The following RSU1 variants were observed in gnomAD, a reference collection of about 807,000 sequenced individuals.
The protein encoded by RSU1 is Ras suppressor protein 1.
In RSU1, 26 loss-of-function variants were observed where a neutral mutation model predicts 31.1. The ratio of observed to expected loss-of-function variants is 0.84; its 90% CI spans 0.61 to 1.16. The LOEUF (loss-of-function observed/expected upper bound fraction) is 1.16. RSU1 is among the 50% of genes most tolerant of loss of function. The pLI, the probability that RSU1 is intolerant of heterozygous loss-of-function variation, is 0.00. For missense variants in RSU1, 320 were observed against 339.1 expected (o/e 0.94, Z 0.44); for synonymous variants, 164 against 136.3 (o/e 1.20, Z -1.41).
chr10:16,764,882 CT>C (rs3841740), intron 3 of RSU1, among the ~76,000 whole-genome samples: 4,837 of 149,828 alleles, frequency 0.032, 174 homozygotes, highest in East Asian at 0.13. Flanking sequence ...CTAAGTGCAA[CT>C]TTTTTTTTCC....
At chr10:16,651,864 CTATG>C (rs1467982781) in intron 8 of RSU1, among the ~76,000 whole-genome samples, 3 of 152,112 alleles carry the variant, frequency 2.0e-5, no homozygotes, top group African/African-American at 7.2e-5. Context: ...TAATGTAACA[CTATG>C]TGTTTGCCAA....
At chr10:16,706,579 A>C (rs1327337911) in intron 7 of RSU1, among the ~76,000 whole-genome samples, 1 of 152,170 alleles carries the variant, frequency 6.6e-6, no homozygotes, top group Non-Finnish European at 1.5e-5. Context: ...TAATTTTAGA[A>C]AATTTTAGAA....
intron 7 of RSU1, among the ~76,000 whole-genome samples, chr10:16,706,310 A>G (rs1432370877): frequency 6.6e-6 from 1 of 152,208 alleles, no homozygotes; most frequent in African/African-American, 2.4e-5. Context: ...ATATGAAATT[A>G]TATAGCATTG....
At chr10:16,606,574 A>T (rs1833809172) in intron 8 of RSU1, among the ~76,000 whole-genome samples, 2 of 152,196 alleles carry the variant, frequency 1.3e-5, no homozygotes, top group Admixed American at 6.5e-5. Flanking sequence ...CCTCTGAGTC[A>T]TTAGGCTGGT....
intron 7 of RSU1, among the ~76,000 whole-genome samples, chr10:16,696,026 T>C (rs930762260): frequency 3.3e-5 from 5 of 152,058 alleles, no homozygotes; most frequent in African/African-American, 1.2e-4. Flanking sequence ...TATTCAAAAA[T>C]GGAAAAGGCA....
At chr10:16,747,901 G>C (rs955479121) in intron 7 of RSU1, among the ~76,000 whole-genome samples, 3 of 152,202 alleles carry the variant, frequency 2.0e-5, no homozygotes, top group Non-Finnish European at 2.9e-5. Context: ...GGGCACAGTG[G>C]TGCACGCCTG....
Position 16,592,460 on chromosome 10 carries a change from G to A in RSU1, c.*934C>T, listed in dbSNP as rs1833524345. The A allele has an allele frequency of 6.6e-6, 1 of 152,226 alleles. No homozygotes were observed. Among genetic ancestry groups the A allele is most frequent in the African/African-American group, 2.4e-5 (1 of 41,536 alleles). 9.4% of individuals were successfully genotyped at this position (152,226 alleles called of 1,614,324 possible). ...CTCTGCAACTGTGGTTTCCACCCTG[G>A]GTGTGGTGTAGCGCGTGCACATTTA... On this transcript the variant is annotated 3_prime_UTR_variant, in exon 9 of 9. Transcript: ENST00000345264.
intron 2 of RSU1, among the ~76,000 whole-genome samples, chr10:16,809,331 G>A (rs1224678442): frequency 1.3e-5 from 2 of 152,276 alleles, no homozygotes; most frequent in African/African-American, 2.4e-5. Flanking sequence ...TGTAACATAC[G>A]TGAGATTTCT....
rs1380324471 is a variant in RSU1, at chr10:16,600,884, T to A, written c.732-7388A>T. Among the ~76,000 whole-genome samples, 3 of 152,160 alleles carry A rather than the reference T, an allele frequency of 2.0e-5. No individual in the cohort carries two copies. In the East Asian group the frequency reaches 5.8e-4, roughly 29 times the overall value. ...GCTGATAGGTGGATTTTATTTAATA[T>A]GGGCATCTTTATTTTTGGAAAAATT... On this transcript the variant is annotated intron_variant, in intron 8 of 8. Coordinates refer to ENST00000345264, the MANE Select transcript of RSU1 (RefSeq NM_012425.4).
Position 16,782,034 on chromosome 10 carries a change from T to G in RSU1, c.160A>C (p.Met54Leu). ...GTAACAAATGAGAAACATCACTTAC[T>G]TGTTAGCTTGTTATGGCTGAGGACC... ...QLVLSHNKLT[M>L]VPPNIAELKN... The change falls in exon 3 of 9, where the codon ATG (methionine) becomes CTG (leucine). Residue 54 changes from methionine (M) to leucine (L), a missense_variant and splice_region_variant. Met to Leu is a conservative substitution (Grantham distance 15, BLOSUM62 2). Transcript: ENST00000345264. 1 of 1,613,082 alleles carries G rather than the reference T, an allele frequency of 6.2e-7. No individual in the cohort carries two copies. The highest frequency in any genetic ancestry group is 1.1e-5 in the South Asian group (1 of 90,976).
intron 8 of RSU1, among the ~76,000 whole-genome samples, chr10:16,656,862 T>C (rs530055868): frequency 3.3e-5 from 5 of 152,336 alleles, no homozygotes; most frequent in Admixed American, 6.5e-5. Flanking sequence ...ACTTCCACTA[T>C]TGAATCAACA....
Position 16,774,170 on chromosome 10 carries a change from GCAAA to G in RSU1, c.160+7860_160+7863del, listed in dbSNP as rs1837482220. Among the ~76,000 whole-genome samples, 10 of 151,800 alleles carry G rather than the reference GCAAA, an allele frequency of 6.6e-5. No homozygotes were observed. The South Asian group carries it at 2.1e-3, about 32-fold the overall frequency. Reference sequence around the variant, plus strand: ...GTTCAACCCTGGGAGCTACAGGATTGCAAATTCTTATTTAACAAAATGTAAATTT... The same window carrying G: ...GTTCAACCCTGGGAGCTACAGGATTGTTCTTATTTAACAAAATGTAAATTT... On this transcript the variant is annotated intron_variant, in intron 3 of 8. Coordinates refer to ENST00000345264, the MANE Select transcript of RSU1 (RefSeq NM_012425.4).
At chr10:16,648,213 G>A (rs1834610582) in intron 8 of RSU1, among the ~76,000 whole-genome samples, 1 of 151,306 alleles carries the variant, frequency 6.6e-6, no homozygotes. Context: ...CCATCCTCCT[G>A]CCTCCACTTC....
chr10:16,644,670 C>T (rs9651519), intron 8 of RSU1, among the ~76,000 whole-genome samples: 9,150 of 152,146 alleles, frequency 0.06, 932 homozygotes, highest in African/African-American at 0.21. Flanking sequence ...TGATTTTGCC[C>T]GCTAAATGGA....
chr10:16,774,571 A>G (rs1837490178), intron 3 of RSU1, among the ~76,000 whole-genome samples: 1 of 152,172 alleles, frequency 6.6e-6, no homozygotes, highest in African/African-American at 2.4e-5. Flanking sequence ...TCCTGTCTCA[A>G]ACAAACAAAC....
chr10:16,688,616 G>GA (rs1218460040), intron 8 of RSU1, among the ~76,000 whole-genome samples: 3 of 151,936 alleles, frequency 2.0e-5, no homozygotes, highest in Non-Finnish European at 4.4e-5. Context: ...CTCAAAAAAA[G>GA]AAAAAATAAT....
chr10:16,772,973 G>A (rs763793212), intron 3 of RSU1, among the ~76,000 whole-genome samples: 10 of 152,108 alleles, frequency 6.6e-5, no homozygotes, highest in Non-Finnish European at 1.2e-4. Context: ...TTGAGAGGCC[G>A]AGGTGGGTGG....
At chr10:16,791,888 T>C (rs1837924321) in intron 2 of RSU1, among the ~76,000 whole-genome samples, 1 of 152,186 alleles carries the variant, frequency 6.6e-6, no homozygotes, top group Admixed American at 6.5e-5. Context: ...GGAACTTGTC[T>C]CCATAGTTTT....
At chr10:16,740,384 A>G (rs948090106) in intron 7 of RSU1, among the ~76,000 whole-genome samples, 2 of 152,240 alleles carry the variant, frequency 1.3e-5, no homozygotes, top group African/African-American at 4.8e-5. Context: ...AAAATCTTAC[A>G]GATAACATAA....
Sources: gnomAD v4.1 joint callset for allele counts (sites outside exome capture counted in the v4.1 genomes callset) on GRCh38, gnomAD v4.1.1 for gene constraint, MANE v1.5 for transcripts, NCBI Gene and HGNC (gene_info 2026-07-23, HGNC 2026-07-21) for gene names.